The following MCEE variants were observed in gnomAD, a reference collection of about 807,000 sequenced individuals.
MCEE encodes methylmalonyl-CoA epimerase.
In MCEE, 6 loss-of-function variants were observed where a neutral mutation model predicts 12.9. That is an observed-to-expected ratio of 0.47 (90% confidence interval 0.26 to 0.92). The LOEUF (loss-of-function observed/expected upper bound fraction) is 0.92. Ranked by LOEUF, MCEE falls within the 40% of genes least tolerant of loss-of-function variation. The pLI, the probability that MCEE is intolerant of heterozygous loss-of-function variation, is 0.16. For synonymous variants in MCEE, 78 were observed against 77.9 expected, an observed-to-expected ratio of 1.00 and a Z score of -0.01; for missense variants, 214 against 212.1, an observed-to-expected ratio of 1.01 and a Z score of -0.05.
At chr2:71,126,689 A>G (rs972145161) in intron 1 of MCEE, among the ~76,000 whole-genome samples, 2 of 151,600 alleles carry the variant, frequency 1.3e-5, no homozygotes, top group African/African-American at 4.8e-5. Context: ...AGAGCTTTAT[A>G]TTTAATAAAA....
intron 2 of MCEE, among the ~76,000 whole-genome samples, chr2:71,118,136 C>T (rs1213974759): frequency 1.3e-5 from 2 of 150,148 alleles, no homozygotes. Context: ...ACTCCCCATA[C>T]CTGCCCCCTA....
chr2:71,124,719 T>C (rs890409505), intron 1 of MCEE, among the ~76,000 whole-genome samples, 176 bp from the exon 2 acceptor site: 15 of 152,192 alleles, frequency 9.9e-5, no homozygotes, highest in Non-Finnish European at 8.8e-5. Context: ...AGAATTACTC[T>C]GCTCTGCCCA....
At chr2:71,120,293 C>A (rs1240013380) in intron 2 of MCEE, among the ~76,000 whole-genome samples, 2 of 150,046 alleles carry the variant, frequency 1.3e-5, no homozygotes, top group Admixed American at 6.6e-5. Context: ...GCACGGCCAG[C>A]TTTGTCTCCT....
At chr2:71,120,513 A>C (rs540208828) in intron 2 of MCEE, among the ~76,000 whole-genome samples, 4 of 150,492 alleles carry the variant, frequency 2.7e-5, no homozygotes, top group Non-Finnish European at 5.9e-5. Context: ...CACAAGAAAA[A>C]GTAGAAACCA....
intron 1 of MCEE, among the ~76,000 whole-genome samples, chr2:71,128,002 C>T (rs1006379741): frequency 5.3e-5 from 8 of 152,192 alleles, no homozygotes; most frequent in African/African-American, 1.9e-4. Context: ...ATTAGAAGTG[C>T]TTTCAAGTTA....
At chr2:71,127,952 T>C (rs1453539124) in intron 1 of MCEE, among the ~76,000 whole-genome samples, 1 of 152,200 alleles carries the variant, frequency 6.6e-6, no homozygotes, top group East Asian at 1.9e-4. Context: ...TTTCACTGAA[T>C]ATCTGGTTTG....
At chr2:71,112,652 T>C (rs577137357) in intron 2 of MCEE, among the ~76,000 whole-genome samples, 1 of 151,484 alleles carries the variant, frequency 6.6e-6, no homozygotes, top group Admixed American at 6.6e-5. Flanking sequence ...GCCAGGCTGG[T>C]CTCGAACTCC....
chr2:71,130,171 G>A lies in MCEE; in HGVS notation c.40+9C>T, dbSNP rs1272847561. 3.1e-6 allele frequency: 5 copies of A among 1,608,350 alleles called. No individual in the cohort carries two copies. Among genetic ancestry groups the A allele is most frequent in the South Asian group, 1.1e-5 (1 of 89,816 alleles). ...CCCATGGCGAAGGTCGCCGGTGCCC[G>A]GTATTCACCTACGGCATTCGCGGCT... is the stretch of plus-strand genomic sequence containing the variant. On this transcript the variant is annotated intron_variant, in intron 1 of 2. Transcript: ENST00000244217.
rs1405937258 is a variant in MCEE at position 71,115,991 on chromosome 2, T to A, written c.379-5869A>T. 2.0e-5 allele frequency among the ~76,000 whole-genome samples: 3 copies of A among 150,344 alleles called. 1 individual carries two copies. Among genetic ancestry groups the A allele is most frequent in the African/African-American group, 7.6e-5 (3 of 39,708 alleles). On this transcript the variant is annotated intron_variant, in intron 2 of 2. Transcript: ENST00000244217. The stretch of plus-strand genomic sequence containing the variant: ...AAAAAAGGGGGGGGTTATGGTTTTT[T>A]AAAACTGCTTTTATAGTCCTTCAAA...
chr2:71,127,576 A>T (rs1187995811), intron 1 of MCEE, among the ~76,000 whole-genome samples: 1 of 152,224 alleles, frequency 6.6e-6, no homozygotes, highest in Non-Finnish European at 1.5e-5. Context: ...ATTTCTTTGC[A>T]TCTTTGCAAA....
At chr2:71,129,767 A>C in intron 1 of MCEE, 1 of 289,490 alleles carries the variant, frequency 3.5e-6, no homozygotes, top group Non-Finnish European at 6.8e-6. Context: ...TCGGCCGACT[A>C]GTAGTTGTTG....
At chr2:71,124,588 C>G in intron 1 of MCEE, 45 bp from the exon 2 acceptor site, 1 of 1,428,376 alleles carries the variant, frequency 7.0e-7, no homozygotes, top group Non-Finnish European at 9.9e-7. Flanking sequence ...TGAGAATTAA[C>G]GCACTTCTAA....
chr2:71,110,398 T>C (rs1672863728), intron 2 of MCEE, among the ~76,000 whole-genome samples: 2 of 152,250 alleles, frequency 1.3e-5, no homozygotes, highest in Admixed American at 1.3e-4. Flanking sequence ...ATATACTTTA[T>C]AATAGTTTAT....
intron 1 of MCEE, among the ~76,000 whole-genome samples, chr2:71,126,792 T>C (rs1673243801): frequency 6.6e-6 from 1 of 152,188 alleles, no homozygotes. Flanking sequence ...TGAGGTATGA[T>C]GACTAATAGA....
At chr2:71,129,846 T>TA in intron 1 of MCEE, 1 of 448,824 alleles carries the variant, frequency 2.2e-6, no homozygotes, top group Non-Finnish European at 4.1e-6. Flanking sequence ...TAAAATAACT[T>TA]ACCGATCCGC....
At chr2:71,114,065 AG>A (rs1672944278) in intron 2 of MCEE, among the ~76,000 whole-genome samples, 1 of 152,206 alleles carries the variant, frequency 6.6e-6, no homozygotes, top group Admixed American at 6.5e-5. Flanking sequence ...AAACAAGGAA[AG>A]GAGATCCTAG....
rs1672848734 is a variant in MCEE, at chr2:71,109,823, G to A, written c.*147C>T. ...TATACATATTTATGTATTTATATATGTATATATTTTAATCTTTCTGTAATT... is the reference window on the plus strand; with the variant it reads ...TATACATATTTATGTATTTATATATATATATATTTTAATCTTTCTGTAATT... On this transcript the variant is annotated 3_prime_UTR_variant, in exon 3 of 3. Coordinates refer to ENST00000244217, the MANE Select transcript of MCEE (RefSeq NM_032601.4). The A allele has an allele frequency of 1.7e-6, 1 of 604,696 alleles. No homozygotes were observed. The highest frequency in any genetic ancestry group is 2.9e-6 in the Non-Finnish European group (1 of 349,044). 37.5% of individuals were successfully genotyped at this position (604,696 alleles called of 1,614,324 possible).
At chr2:71,125,971 C>T (rs1488762460) in intron 1 of MCEE, among the ~76,000 whole-genome samples, 1 of 152,150 alleles carries the variant, frequency 6.6e-6, no homozygotes, top group Non-Finnish European at 1.5e-5. Flanking sequence ...ACCTCAGCCT[C>T]CTGAGTAGCT....
chr2:71,123,797 G>A (rs1673151997), intron 2 of MCEE, among the ~76,000 whole-genome samples: 1 of 152,174 alleles, frequency 6.6e-6, no homozygotes, highest in Non-Finnish European at 1.5e-5. Context: ...TTTAAAGAGA[G>A]AAAAGAGTTA....
Sources: gnomAD v4.1 joint callset for allele counts (sites outside exome capture counted in the v4.1 genomes callset) on GRCh38, gnomAD v4.1.1 for gene constraint, MANE v1.5 for transcripts, NCBI Gene and HGNC (gene_info 2026-07-23, HGNC 2026-07-21) for gene names.